The following FRMD3 variants were observed in gnomAD, a reference collection of about 807,000 sequenced individuals.
FRMD3 encodes the protein FERM domain containing 3, also known as FERM domain-containing protein 3.
Under a neutral mutation model 70.2 loss-of-function variants are expected in FRMD3, and 33 were observed. The observed-to-expected ratio is 0.47, with a 90% CI of 0.36 to 0.63. FRMD3 has a LOEUF of 0.63. FRMD3 is among the 20% of genes least tolerant of loss of function. The pLI is 0.00. For synonymous variants in FRMD3, 279 were observed against 255.9 expected (o/e 1.09, Z -0.86); for missense variants, 632 against 711.4 (o/e 0.89, Z 1.27).
chr9:83,289,394 C>A (rs2118966005), intron 13 of FRMD3, among the ~76,000 whole-genome samples: 1 of 152,286 alleles, frequency 6.6e-6, no homozygotes, highest in Non-Finnish European at 1.5e-5. Context: ...CTTCTAAGAT[C>A]CCATCTTTCA....
chr9:83,494,190 A>G (rs1828889999), intron 1 of FRMD3, among the ~76,000 whole-genome samples: 1 of 152,174 alleles, frequency 6.6e-6, no homozygotes, highest in South Asian at 2.1e-4. Context: ...CTCACTAGTA[A>G]CACATAAACG....
intron 3 of FRMD3, among the ~76,000 whole-genome samples, chr9:83,359,238 GTCAC>G (rs1824504371): frequency 1.3e-5 from 2 of 152,120 alleles, no homozygotes; most frequent in Non-Finnish European, 2.9e-5. Flanking sequence ...ACTGACTACA[GTCAC>G]TCAGAGAACT....
intron 1 of FRMD3, among the ~76,000 whole-genome samples, chr9:83,518,580 A>G (rs1829502193): frequency 1.3e-5 from 2 of 152,240 alleles, no homozygotes; most frequent in Admixed American, 6.5e-5. Flanking sequence ...TAATTTATAG[A>G]TTCAATGCTA....
intron 1 of FRMD3, among the ~76,000 whole-genome samples, chr9:83,447,808 G>T (rs536898537): frequency 6.6e-6 from 1 of 152,308 alleles, no homozygotes; most frequent in East Asian, 1.9e-4. Context: ...ACACCACCAT[G>T]TTCTGGCCGA....
intron 1 of FRMD3, among the ~76,000 whole-genome samples, chr9:83,458,893 T>C (rs1029825258): frequency 6.6e-6 from 1 of 152,200 alleles, no homozygotes; most frequent in African/African-American, 2.4e-5. Flanking sequence ...AAGAAGGTAG[T>C]CAGTTGGCCA....
rs1279597156 is a variant in FRMD3 at position 83,357,256 on chromosome 9, T to TAAC, written c.296-7500_296-7499insGTT. ...TATATATAATACATACATATATATA[T>TAAC]ATATATATATATATATATATATATA... On this transcript the variant is annotated intron_variant, in intron 3 of 13. Coordinates refer to ENST00000304195, the MANE Select transcript of FRMD3 (RefSeq NM_174938.6). 1.6e-4 allele frequency among the ~76,000 whole-genome samples: 7 copies of TAAC among 43,332 alleles called. 1 individual carries two copies. The highest frequency in any genetic ancestry group is 1.2e-3 in the African/African-American group (7 of 6,078). The allele number at this position is 43,332 out of a possible 152,430, so 28.4% of individuals were successfully genotyped here.
chr9:83,403,048 C>A (rs1342549302), intron 1 of FRMD3, among the ~76,000 whole-genome samples: 1 of 151,872 alleles, frequency 6.6e-6, no homozygotes, highest in Non-Finnish European at 1.5e-5. Context: ...AGATTACAGG[C>A]ACCCGCTACC....
At chr9:83,274,175 C>T (rs1392687610) in intron 13 of FRMD3, among the ~76,000 whole-genome samples, 1 of 152,056 alleles carries the variant, frequency 6.6e-6, no homozygotes, top group Non-Finnish European at 1.5e-5. Context: ...ATATGCACAG[C>T]ACTTATTATG....
chr9:83,250,182 T>G (rs901525335), intron 13 of FRMD3, among the ~76,000 whole-genome samples: 1 of 152,066 alleles, frequency 6.6e-6, no homozygotes, highest in Admixed American at 6.5e-5. Context: ...ACCTGGAAGA[T>G]GCACAGAAGC....
chr9:83,389,278 G>A (rs748312776), intron 2 of FRMD3, among the ~76,000 whole-genome samples: 3 of 152,108 alleles, frequency 2.0e-5, no homozygotes, highest in Non-Finnish European at 4.4e-5. Flanking sequence ...GTGGGGTTGA[G>A]CAGGGGTGAT....
At chr9:83,581,213 C>G in the FRMD3 span, among the ~76,000 whole-genome samples, 1 of 152,000 alleles carries the variant, frequency 6.6e-6, no homozygotes, top group Non-Finnish European at 1.5e-5. Flanking sequence ...AAAATATTTG[C>G]AAATTACACC....
At chr9:83,518,334 A>G (rs1434749469) in intron 1 of FRMD3, among the ~76,000 whole-genome samples, 1 of 152,210 alleles carries the variant, frequency 6.6e-6, no homozygotes. Context: ...AAGCATTCCT[A>G]TACACCAATA....
chr9:83,539,331 AG>A (rs1235789736), upstream of FRMD3, among the ~76,000 whole-genome samples: 5 of 152,206 alleles, frequency 3.3e-5, no homozygotes, highest in African/African-American at 1.2e-4. Flanking sequence ...CCACTGTGTC[AG>A]GTACCGTAGG....
chr9:83,475,994 C>G (rs1828387143), intron 1 of FRMD3, among the ~76,000 whole-genome samples: 1 of 152,120 alleles, frequency 6.6e-6, no homozygotes, highest in Non-Finnish European at 1.5e-5. Context: ...ACTTAGTCAC[C>G]TATGAATCAA....
intron 1 of FRMD3, among the ~76,000 whole-genome samples, chr9:83,462,590 C>G (rs1828006569): frequency 6.6e-6 from 1 of 152,180 alleles, no homozygotes; most frequent in African/African-American, 2.4e-5. Context: ...TAACCGCTTT[C>G]CAGGTTCCTG....
chr9:83,321,219 C>T (rs1446628512), intron 6 of FRMD3, among the ~76,000 whole-genome samples: 3 of 152,042 alleles, frequency 2.0e-5, no homozygotes, highest in Admixed American at 6.6e-5. Context: ...TTTTCTTCTG[C>T]TAAGTGTGTG....
chr9:83,535,769 C>T (rs1291242488), intron 1 of FRMD3, among the ~76,000 whole-genome samples: 3 of 152,134 alleles, frequency 2.0e-5, no homozygotes, highest in African/African-American at 4.8e-5. Context: ...GATGAGAGCT[C>T]CTAACGCAGA....
At chr9:83,515,061 CA>C (rs1479321531) in intron 1 of FRMD3, among the ~76,000 whole-genome samples, 1 of 152,128 alleles carries the variant, frequency 6.6e-6, no homozygotes, top group African/African-American at 2.4e-5. Context: ...CTCTTCTCTT[CA>C]AAAAGGATCA....
chr9:83,452,271 C>T lies in FRMD3; in HGVS notation c.148-62563G>A, dbSNP rs116846040. Among the ~76,000 whole-genome samples, 160 of 152,278 alleles carry T rather than the reference C, an allele frequency of 1.1e-3. 3 individuals are homozygous for T. The East Asian group carries it at 0.029, about 28-fold the overall frequency. On this transcript the variant is annotated intron_variant, in intron 1 of 13. Coordinates refer to ENST00000304195, the MANE Select transcript of FRMD3 (RefSeq NM_174938.6). ...AATCTATACTCAGAATGAGTTGGCCCGATCTCTTTGTAGTTCACAAGCATG... is the reference window on the plus strand; with the variant it reads ...AATCTATACTCAGAATGAGTTGGCCTGATCTCTTTGTAGTTCACAAGCATG...
Sources: gnomAD v4.1 joint callset for allele counts (sites outside exome capture counted in the v4.1 genomes callset) on GRCh38, gnomAD v4.1.1 for gene constraint, MANE v1.5 for transcripts, NCBI Gene and HGNC (gene_info 2026-07-23, HGNC 2026-07-21) for gene names.